SV2C: variants seen among roughly 807,000 people sequenced by gnomAD.
The protein encoded by SV2C is synaptic vesicle glycoprotein 2C.
Under a neutral mutation model 79.7 loss-of-function variants are expected in SV2C, and 49 were observed. The observed-to-expected ratio is 0.61, with a 90% CI of 0.49 to 0.78. The LOEUF is 0.78. Ranked by LOEUF, SV2C falls within the 30% of genes least tolerant of loss-of-function variation. The probability of loss-of-function intolerance (pLI) is 0.00; values close to 1 mark genes in which losing one functional copy is unlikely to be tolerated. For missense variants in SV2C, 833 were observed against 912.9 expected (o/e 0.91, Z 1.13); for synonymous variants, 334 against 333.2 (o/e 1.00, Z -0.03).
chr5:76,193,041 G>T (rs1455775332), intron 2 of SV2C, among the ~76,000 whole-genome samples: 1 of 152,050 alleles, frequency 6.6e-6, no homozygotes, highest in Non-Finnish European at 1.5e-5. Flanking sequence ...CTGCTGTTCG[G>T]GTGCACACCA....
chr5:76,260,882 C>G (rs1021211072), intron 4 of SV2C, among the ~76,000 whole-genome samples: 1 of 152,112 alleles, frequency 6.6e-6, no homozygotes, highest in African/African-American at 2.4e-5. Context: ...AGCATGATGC[C>G]TTCAGCTTTG....
At chr5:75,996,369 C>T in the SV2C span, among the ~76,000 whole-genome samples, 70 of 152,262 alleles carry the variant, frequency 4.6e-4, no homozygotes, top group Non-Finnish European at 8.8e-4. Flanking sequence ...CAGTACCATG[C>T]TGTTTTGGTT....
At chr5:75,902,217 A>T in the SV2C span, among the ~76,000 whole-genome samples, 1 of 152,138 alleles carries the variant, frequency 6.6e-6, no homozygotes, top group Non-Finnish European at 1.5e-5. Flanking sequence ...AGCTGTTCCT[A>T]TTCGGCCATC....
intron 2 of SV2C, among the ~76,000 whole-genome samples, chr5:76,156,046 T>A (rs1014192632): frequency 6.6e-6 from 1 of 151,430 alleles, no homozygotes; most frequent in Non-Finnish European, 1.5e-5. Context: ...GTAGGCCAGC[T>A]AGTTTGCTGG....
intron 12 of SV2C, among the ~76,000 whole-genome samples, chr5:76,306,316 A>T (rs1016391439): frequency 6.6e-6 from 1 of 152,148 alleles, no homozygotes; most frequent in Non-Finnish European, 1.5e-5. Flanking sequence ...CCAGCCTCTG[A>T]AGTAGCTGGT....
At chr5:76,171,480 G>A (rs1227792202) in intron 2 of SV2C, among the ~76,000 whole-genome samples, 1 of 123,324 alleles carries the variant, frequency 8.1e-6, no homozygotes, top group Non-Finnish European at 1.8e-5. Context: ...CCCCGTCTGA[G>A]AAGTGAGGAG....
At chr5:75,997,110 T>A in the SV2C span, among the ~76,000 whole-genome samples, 7 of 151,478 alleles carry the variant, frequency 4.6e-5, no homozygotes, top group African/African-American at 1.7e-4. Context: ...AGTATGATAT[T>A]GGCTGTGGGT....
At chr5:76,259,592 C>G (rs1746398698) in intron 4 of SV2C, among the ~76,000 whole-genome samples, 2 of 152,026 alleles carry the variant, frequency 1.3e-5, no homozygotes, top group Non-Finnish European at 2.9e-5. Context: ...AATGCTCTCC[C>G]TCCCCTCACT....
the SV2C span, among the ~76,000 whole-genome samples, chr5:76,003,027 T>G: frequency 6.6e-6 from 1 of 152,124 alleles, no homozygotes; most frequent in East Asian, 1.9e-4. Flanking sequence ...GTTTCCCCCA[T>G]GCTGTTCTCG....
Position 76,166,142 on chromosome 5 carries a change from G to T in SV2C, c.581-28777G>T, listed in dbSNP as rs115406290. Among the ~76,000 whole-genome samples the T allele has an allele frequency of 8.1e-3, 1,240 of 152,216 alleles. 24 individuals are homozygous for T. The highest frequency in any genetic ancestry group is 0.029 in the African/African-American group (1,184 of 41,516). ...CTGTAGTATCTTATGTTAATATTAT[G>T]CCCAGAATAGAAATAAAGATACCCC... On this transcript the variant is annotated intron_variant, in intron 2 of 12. Coordinates refer to ENST00000502798, the MANE Select transcript of SV2C (RefSeq NM_014979.4).
rs928271738 is a variant in SV2C, at chr5:76,209,802, C to T, written c.828C>T (p.Gly276=). Residue 276 remains glycine, a synonymous_variant, in exon 4 of 13, where the codon GGC becomes GGT. Coordinates refer to ENST00000502798, the MANE Select transcript of SV2C (RefSeq NM_014979.4). ...AAGTCCTGGCCCGGGAAAAGCGGGG[C>T]GAACACTTGAGCTGGCTCTGCATGT... ...FAEVLAREKR[G]EHLSWLCMFW... 1.2e-5 allele frequency: 20 copies of T among 1,614,056 alleles called. No individual in the cohort carries two copies. The highest frequency in any genetic ancestry group is 2.2e-5 in the East Asian group (1 of 44,890).
chr5:76,187,765 AT>A (rs1391489243), intron 2 of SV2C, among the ~76,000 whole-genome samples: 92 of 144,484 alleles, frequency 6.4e-4, no homozygotes, highest in Middle Eastern at 3.6e-3. Context: ...AAAAAAAAAA[AT>A]ATGTCTTAGG....
In SV2C at chr5:76,115,516, C is replaced by T. The variant is rs142524337; in HGVS notation, c.-101-16134C>T. Reference sequence around the variant, plus strand: ...TGCTCTGTCTGCACTGCTGAACTTCCGCTCTGACTGTCCTCCTTCCTCAAA... The same window carrying T: ...TGCTCTGTCTGCACTGCTGAACTTCTGCTCTGACTGTCCTCCTTCCTCAAA... On this transcript the variant is annotated intron_variant, in intron 1 of 12. Coordinates refer to ENST00000502798, the MANE Select transcript of SV2C (RefSeq NM_014979.4). Among the ~76,000 whole-genome samples, 20 of 152,262 alleles carry T rather than the reference C, an allele frequency of 1.3e-4. No individual in the cohort carries two copies. In the East Asian group the frequency reaches 2.3e-3, roughly 18 times the overall value.
At chr5:75,871,149 A>T in the SV2C span, among the ~76,000 whole-genome samples, 1 of 152,214 alleles carries the variant, frequency 6.6e-6, no homozygotes, top group African/African-American at 2.4e-5. Flanking sequence ...AAGGTATGTG[A>T]TCATCTAGAT....
At position 76,250,179 on chromosome 5, in the gene SV2C, C is replaced by T. The variant is rs926832468; in HGVS notation, c.914-34983C>T. On this transcript the variant is annotated intron_variant, in intron 4 of 12. Coordinates refer to ENST00000502798, the MANE Select transcript of SV2C (RefSeq NM_014979.4). Reference sequence around the variant, plus strand: ...CACTCTCTTCTCCATGTCATTCTGGCTGTTCTTTTATTGCGCGTCCTGCTT... The same window carrying T: ...CACTCTCTTCTCCATGTCATTCTGGTTGTTCTTTTATTGCGCGTCCTGCTT... Among the ~76,000 whole-genome samples the T allele has an allele frequency of 4.0e-5, 6 of 151,144 alleles. No individual in the cohort carries two copies. The East Asian group carries it at 1.2e-3, about 29-fold the overall frequency.
the SV2C span, among the ~76,000 whole-genome samples, chr5:75,923,572 TA>T: frequency 1.6e-4 from 24 of 151,362 alleles, no homozygotes; most frequent in South Asian, 1.7e-3. Flanking sequence ...CAAATCAGCA[TA>T]AAAAAAATCC....
the SV2C span, among the ~76,000 whole-genome samples, chr5:75,868,838 A>G: frequency 1.3e-3 from 200 of 152,242 alleles, no homozygotes; most frequent in Middle Eastern, 3.4e-3. Flanking sequence ...CTCTGTAAAT[A>G]TGTCCTCTGA....
chr5:75,870,829 T>G, the SV2C span, among the ~76,000 whole-genome samples: 1 of 152,198 alleles, frequency 6.6e-6, no homozygotes, highest in East Asian at 1.9e-4. Flanking sequence ...GTCTTTTCAG[T>G]GGAAACCTTA....
chr5:76,274,453 T>C (rs949985193), intron 4 of SV2C, among the ~76,000 whole-genome samples: 4 of 152,126 alleles, frequency 2.6e-5, no homozygotes, highest in Admixed American at 1.3e-4. Context: ...TAAAAACTGA[T>C]ATGTTTTATG....
Sources: gnomAD v4.1 joint callset for allele counts (sites outside exome capture counted in the v4.1 genomes callset) on GRCh38, gnomAD v4.1.1 for gene constraint, MANE v1.5 for transcripts, NCBI Gene and HGNC (gene_info 2026-07-23, HGNC 2026-07-21) for gene names.